Variants in MTUS2 observed in about 807,000 individuals in gnomAD.
MTUS2 encodes the protein microtubule associated scaffold protein 2, also known as microtubule-associated tumor suppressor candidate 2.
In MTUS2, 40 loss-of-function variants were observed where a neutral mutation model predicts 114.1. The observed-to-expected ratio is 0.35, with a 90% confidence interval of 0.27 to 0.46. MTUS2 has a LOEUF of 0.46. MTUS2 is among the 20% of genes least tolerant of loss of function. The pLI is 1.00. For missense variants in MTUS2, 1,679 were observed against 1,705.4 expected, an observed-to-expected ratio of 0.98 and a Z score of 0.27; for synonymous variants, 688 against 672.0, an observed-to-expected ratio of 1.02 and a Z score of -0.37.
chr13:29,325,425 C>T (rs1330108852), intron 7 of MTUS2, among the ~76,000 whole-genome samples: 2 of 138,310 alleles, frequency 1.4e-5, no homozygotes, highest in Non-Finnish European at 3.1e-5. Context: ...CACCACACTC[C>T]AGCCTGGGTG....
chr13:29,354,820 G>T (rs1869603691), intron 7 of MTUS2, among the ~76,000 whole-genome samples: 1 of 152,166 alleles, frequency 6.6e-6, no homozygotes, highest in South Asian at 2.1e-4. Flanking sequence ...AAAATTTTTT[G>T]AAATAAATTT....
chr13:28,843,302 A>T (rs565060280), intron 2 of MTUS2, among the ~76,000 whole-genome samples: 1 of 152,120 alleles, frequency 6.6e-6, no homozygotes, highest in East Asian at 1.9e-4. Flanking sequence ...AAGTATCTAT[A>T]TCATTGAAAT....
intron 5 of MTUS2, among the ~76,000 whole-genome samples, chr13:29,179,310 G>T (rs987643372): frequency 3.3e-5 from 5 of 152,184 alleles, no homozygotes; most frequent in Admixed American, 2.0e-4. Context: ...AGTTTAACCT[G>T]AGTTAATATG....
intron 8 of MTUS2, among the ~76,000 whole-genome samples, chr13:29,384,361 T>C (rs1009724117): frequency 4.6e-5 from 7 of 152,228 alleles, no homozygotes; most frequent in Admixed American, 3.3e-4. Flanking sequence ...TACCAGCTTT[T>C]TGTAATCCAA....
intron 1 of MTUS2, among the ~76,000 whole-genome samples, chr13:28,821,395 C>T (rs1593220899): frequency 6.6e-6 from 1 of 152,240 alleles, no homozygotes; most frequent in African/African-American, 2.4e-5. Context: ...ATAAAAAGAT[C>T]CTACATGTAT....
chr13:29,202,031 C>T (rs1894980432), intron 5 of MTUS2, among the ~76,000 whole-genome samples: 1 of 152,104 alleles, frequency 6.6e-6, no homozygotes, highest in Admixed American at 6.5e-5. Context: ...TCTGTATTTC[C>T]TGAATTTGAA....
chr13:29,281,062 C>T (rs1314434285), intron 5 of MTUS2, among the ~76,000 whole-genome samples: 3 of 152,114 alleles, frequency 2.0e-5, no homozygotes, highest in Admixed American at 2.0e-4. Context: ...TGTCTTCTAC[C>T]TTGGAAGTAA....
chr13:28,852,603 G>A (rs1033374264), intron 2 of MTUS2, among the ~76,000 whole-genome samples: 5 of 152,114 alleles, frequency 3.3e-5, no homozygotes, highest in African/African-American at 1.2e-4. Context: ...AATGACTCAT[G>A]CCCATAATCC....
At chr13:29,325,048 A>G (rs1900422554) in intron 7 of MTUS2, among the ~76,000 whole-genome samples, 1 of 152,266 alleles carries the variant, frequency 6.6e-6, no homozygotes, top group African/African-American at 2.4e-5. Context: ...AGGAAGAAGA[A>G]CAGAGATAAT....
intron 6 of MTUS2, among the ~76,000 whole-genome samples, chr13:29,285,184 AAAAC>A (rs1390530948): frequency 6.7e-6 from 1 of 148,196 alleles, no homozygotes; most frequent in Non-Finnish European, 1.5e-5. Context: ...CATATGATAA[AAAAC>A]AAAACCAAAA....
chr13:28,887,550 A>G (rs1009548862), intron 2 of MTUS2, among the ~76,000 whole-genome samples: 1 of 152,214 alleles, frequency 6.6e-6, no homozygotes, highest in Non-Finnish European at 1.5e-5. Flanking sequence ...AAGGGAAACT[A>G]CAGAGAACTT....
At chr13:29,441,352 C>T (rs1205007910) in intron 9 of MTUS2, among the ~76,000 whole-genome samples, 1 of 152,108 alleles carries the variant, frequency 6.6e-6, no homozygotes, top group African/African-American at 2.4e-5. Context: ...AGAAAGTGGC[C>T]CCACTCCCCG....
rs368563757 is a variant in MTUS2 at position 29,480,286 on chromosome 13, A to G, written c.3321A>G (p.Gln1107=). The change falls in exon 10 of 16, where the codon CAA becomes CAG. Residue 1107 remains glutamine (Q), a synonymous_variant. Transcript: ENST00000612955. The surrounding 1 kb of genome is among the most constrained non-coding windows in gnomAD (Gnocchi z 4.4). ...LQELEERLQL[Q]FEAEMARLQE... is the part of the protein sequence containing the mutation. ...AGCTGGAGGAGCGGCTGCAGCTGCA[A>G]TTCGAGGCGGAAATGGCGCGCCTGC... The G allele has an allele frequency of 9.6e-6, 15 of 1,555,138 alleles. No homozygotes were observed. In the African/African-American group the frequency reaches 1.2e-4, roughly 13 times the overall value.
intron 2 of MTUS2, among the ~76,000 whole-genome samples, chr13:28,890,185 A>G (rs1047698265): frequency 7.2e-5 from 11 of 152,182 alleles, no homozygotes; most frequent in Non-Finnish European, 1.5e-4. Flanking sequence ...ATTCTATAAG[A>G]TGGCTCGGAA....
intron 4 of MTUS2, among the ~76,000 whole-genome samples, chr13:29,066,849 C>T (rs545716823): frequency 6.6e-6 from 1 of 152,314 alleles, no homozygotes; most frequent in African/African-American, 2.4e-5. Context: ...GGAGAGGAAC[C>T]CACTAGGCTT....
chr13:28,840,145 A>G (rs1875375040), intron 2 of MTUS2, among the ~76,000 whole-genome samples: 1 of 152,074 alleles, frequency 6.6e-6, no homozygotes, highest in Non-Finnish European at 1.5e-5. Context: ...CTTACTTAGT[A>G]GTAATTAATC....
chr13:29,375,589 GTA>G (rs1224844857), intron 8 of MTUS2, among the ~76,000 whole-genome samples: 6 of 3,554 alleles, frequency 1.7e-3, no homozygotes, highest in African/African-American at 3.5e-3. Context: ...ATATATATAC[GTA>G]TATATATATA....
chr13:29,431,484 C>T (rs1299738694), intron 8 of MTUS2, among the ~76,000 whole-genome samples: 1 of 152,110 alleles, frequency 6.6e-6, no homozygotes, highest in African/African-American at 2.4e-5. Context: ...CAATAACACA[C>T]ACAGAACAAT....
At chr13:29,158,540 T>A (rs1458812319) in intron 5 of MTUS2, among the ~76,000 whole-genome samples, 4 of 151,502 alleles carry the variant, frequency 2.6e-5, no homozygotes, top group African/African-American at 9.7e-5. Context: ...AAGAGAGCTG[T>A]TTTTCATAGA....
Sources: allele counts gnomAD v4.1 joint callset (sites outside exome capture counted in the v4.1 genomes callset), GRCh38; gene constraint gnomAD v4.1.1; non-coding constraint Gnocchi (gnomAD v3.1); transcripts MANE v1.5; gene names NCBI Gene and HGNC (gene_info 2026-07-23, HGNC 2026-07-21).